CCDC178: variants seen among roughly 807,000 people sequenced by gnomAD.
CCDC178 encodes coiled-coil domain-containing protein 178.
In CCDC178, 126 loss-of-function variants were observed where a neutral mutation model predicts 117.4. That is an observed-to-expected ratio of 1.07 (90% CI 0.93 to 1.24). The LOEUF is 1.24. CCDC178 is among the 50% of genes most tolerant of loss of function. CCDC178 has a pLI of 0.00. For missense variants in CCDC178, 1,030 were observed against 986.9 expected (o/e 1.04, Z -0.59); for synonymous variants, 283 against 313.4 (o/e 0.90, Z 1.02).
chr18:33,190,800 C>T (rs1321125735), intron 20 of CCDC178, among the ~76,000 whole-genome samples: 4 of 152,156 alleles, frequency 2.6e-5, no homozygotes, highest in Non-Finnish European at 5.9e-5. Flanking sequence ...TGCTCTGAAA[C>T]ATCAGCCAGA....
At chr18:33,090,007 T>C (rs557053845) in intron 21 of CCDC178, among the ~76,000 whole-genome samples, 27 of 152,290 alleles carry the variant, frequency 1.8e-4, no homozygotes, top group African/African-American at 6.0e-4. Flanking sequence ...TTTGCCTCTT[T>C]CTGATTTTTA....
intron 20 of CCDC178, among the ~76,000 whole-genome samples, chr18:33,160,021 G>A (rs905858190): frequency 2.6e-5 from 4 of 152,066 alleles, no homozygotes; most frequent in African/African-American, 4.8e-5. Context: ...TTTCAAAGAT[G>A]TAAGGATTTA....
chr18:33,328,991 A>C (rs2062626758), intron 10 of CCDC178, among the ~76,000 whole-genome samples: 1 of 152,130 alleles, frequency 6.6e-6, no homozygotes. Context: ...AAAATATTAT[A>C]GTTTTTGCTA....
chr18:33,291,204 G>A (rs2060162197), intron 12 of CCDC178, among the ~76,000 whole-genome samples: 1 of 151,854 alleles, frequency 6.6e-6, no homozygotes, highest in Admixed American at 6.6e-5. Context: ...GTTCACAAAA[G>A]GAAAATGCAC....
chr18:33,085,943 G>C (rs188909706), intron 21 of CCDC178, among the ~76,000 whole-genome samples: 2 of 151,946 alleles, frequency 1.3e-5, no homozygotes, highest in Non-Finnish European at 2.9e-5. Context: ...TTAAAAATGA[G>C]TTTTTCCAAA....
chr18:33,368,030 G>A (rs4580273), intron 6 of CCDC178, among the ~76,000 whole-genome samples: 15,917 of 151,868 alleles, frequency 0.1, 2,787 homozygotes, highest in African/African-American at 0.36. Context: ...TCTCCTAAAT[G>A]AGAATTAAGT....
At chr18:32,964,918 AT>A (rs2054780671) in intron 22 of CCDC178, among the ~76,000 whole-genome samples, 1 of 151,770 alleles carries the variant, frequency 6.6e-6, no homozygotes. Context: ...CCCCCTCTCT[AT>A]TTTGTTTTTC....
intron 20 of CCDC178, among the ~76,000 whole-genome samples, chr18:33,120,064 TTA>T (rs901333177): frequency 3.3e-5 from 5 of 151,960 alleles, no homozygotes; most frequent in South Asian, 4.2e-4. Flanking sequence ...AGGGATAGCA[TTA>T]GGAGATATAC....
chr18:33,337,089 A>G (rs1267812986), intron 9 of CCDC178, among the ~76,000 whole-genome samples: 2 of 148,644 alleles, frequency 1.3e-5, no homozygotes, highest in Non-Finnish European at 3.0e-5. Context: ...AGTGTTATGT[A>G]GTTTTCCTTG....
chr18:32,987,633 CAT>C (rs1189000671), intron 21 of CCDC178, among the ~76,000 whole-genome samples: 2 of 152,086 alleles, frequency 1.3e-5, no homozygotes, highest in Non-Finnish European at 2.9e-5. Context: ...TACATTAAAA[CAT>C]AAACTGTATA....
intron 20 of CCDC178, among the ~76,000 whole-genome samples, chr18:33,141,210 T>C (rs967221623): frequency 6.6e-6 from 1 of 152,016 alleles, no homozygotes; most frequent in Non-Finnish European, 1.5e-5. Context: ...GAAGAAAAGG[T>C]ATGGGCGATT....
chr18:33,092,368 T>C lies in CCDC178; in HGVS notation c.2388+393A>G, dbSNP rs554755340. Among the ~76,000 whole-genome samples the C allele has an allele frequency of 7.2e-5, 11 of 152,126 alleles. No individual in the cohort carries two copies. In the East Asian group the frequency reaches 1.9e-3, roughly 27 times the overall value. On this transcript the variant is annotated intron_variant, in intron 21 of 22. Coordinates refer to ENST00000383096, the MANE Select transcript of CCDC178 (RefSeq NM_001105528.4). ...GTTTCCAATTAATCTCCATATCTAA[T>C]AAGAAAATAGTTACCAGAATTTGGA...
chr18:32,940,368 C>T (rs1253911195), intron 22 of CCDC178, among the ~76,000 whole-genome samples: 2 of 151,762 alleles, frequency 1.3e-5, no homozygotes, highest in East Asian at 1.9e-4. Flanking sequence ...TTGCAAACTT[C>T]GTAATGCAGA....
intron 20 of CCDC178, among the ~76,000 whole-genome samples, chr18:33,178,566 A>G (rs1227570279): frequency 6.6e-6 from 1 of 152,066 alleles, no homozygotes; most frequent in African/African-American, 2.4e-5. Flanking sequence ...CTTTCAGGAT[A>G]ATGTTCAGAT....
At chr18:33,221,558 C>T (rs536602893) in intron 18 of CCDC178, among the ~76,000 whole-genome samples, 52 of 152,154 alleles carry the variant, frequency 3.4e-4, no homozygotes, top group African/African-American at 1.2e-3. Flanking sequence ...CATTACAGTT[C>T]TGGTCACAGT....
intron 4 of CCDC178, among the ~76,000 whole-genome samples, chr18:33,393,741 T>G (rs1162279082): frequency 6.6e-6 from 1 of 152,118 alleles, no homozygotes; most frequent in Non-Finnish European, 1.5e-5. Flanking sequence ...TTTCTGCTGA[T>G]GGACATTTAG....
intron 20 of CCDC178, among the ~76,000 whole-genome samples, chr18:33,179,785 G>T (rs1015328398): frequency 6.6e-6 from 1 of 151,960 alleles, no homozygotes; most frequent in African/African-American, 2.4e-5. Context: ...GCAAATCTCA[G>T]AGCTGCATAA....
intron 14 of CCDC178, among the ~76,000 whole-genome samples, chr18:33,260,310 T>G (rs1359702389): frequency 6.6e-6 from 1 of 152,142 alleles, no homozygotes; most frequent in Non-Finnish European, 1.5e-5. Context: ...CTATGTTATA[T>G]CTTACCTATT....
intron 11 of CCDC178, among the ~76,000 whole-genome samples, chr18:33,309,979 ATTTATTTT>A (rs1312905727): frequency 3.6e-5 from 3 of 82,758 alleles, no homozygotes; most frequent in African/African-American, 1.2e-4. Context: ...TTATTTATTT[ATTTATTTT>A]GAGATGGAGT....
Sources: allele counts gnomAD v4.1 joint callset (sites outside exome capture counted in the v4.1 genomes callset), GRCh38; gene constraint gnomAD v4.1.1; transcripts MANE v1.5; gene names NCBI Gene and HGNC (gene_info 2026-07-23, HGNC 2026-07-21).